CGRRF1: variants seen among roughly 807,000 people sequenced by gnomAD.
CGRRF1 encodes the protein cell growth regulator with RING finger domain protein 1.
In CGRRF1, 32 loss-of-function variants were observed where a neutral mutation model predicts 37.2. That is an observed-to-expected ratio of 0.86 (90% CI 0.65 to 1.16). The LOEUF is 1.16. Ranked by LOEUF, CGRRF1 falls within the 50% of genes most tolerant of loss-of-function variation. The pLI is 0.00. For missense variants in CGRRF1, 391 were observed against 382.6 expected, an observed-to-expected ratio of 1.02 and a Z score of -0.18; for synonymous variants, 141 against 140.3, an observed-to-expected ratio of 1.00 and a Z score of -0.04.
intron 1 of CGRRF1, among the ~76,000 whole-genome samples, chr14:54,510,486 T>C (rs2032111757): frequency 6.6e-6 from 1 of 152,128 alleles, no homozygotes; most frequent in Non-Finnish European, 1.5e-5. Flanking sequence ...GTAAGCGAGG[T>C]TAACAGTTGT....
rs933273734 is a variant in CGRRF1 at position 54,530,059 on chromosome 14, C to G, written c.255C>G (p.Thr85=). ...PSSASITTGI[T]LTTDCLEDSL... ...CTTTGTTTTTTACAGCTGGCATAAC[C>G]TTGACAACAGATTGCCTTGAAGATA... is the stretch of plus-strand genomic sequence containing the variant. Residue 85 remains threonine, a synonymous_variant, in exon 3 of 6, where the codon ACC becomes ACG. Coordinates refer to ENST00000216420, the MANE Select transcript of CGRRF1 (RefSeq NM_006568.3). 6.2e-7 allele frequency: 1 copy of G among 1,609,152 alleles called. No homozygotes were observed. Among genetic ancestry groups the G allele is most frequent in the African/African-American group, 1.3e-5 (1 of 74,840 alleles).
At chr14:54,513,566 T>TTTATGTTATGTTATG (rs150170270) in intron 1 of CGRRF1, among the ~76,000 whole-genome samples, 49 of 146,652 alleles carry the variant, frequency 3.3e-4, no homozygotes, top group South Asian at 2.6e-3. Flanking sequence ...TGGACACAGT[T>TTTATGTTATGTTATG]TTATGTTATG....
At chr14:54,518,551 A>G (rs75635034) in intron 1 of CGRRF1, among the ~76,000 whole-genome samples, 1 of 143,228 alleles carries the variant, frequency 7.0e-6, no homozygotes, top group African/African-American at 2.6e-5. Context: ...ACTCCATCTC[A>G]AAAAAAAAAA....
chr14:54,531,045 G>A lies in CGRRF1; in HGVS notation c.565G>A (p.Asp189Asn), dbSNP rs2140064793. Residue 189 changes from aspartate (D) to asparagine (N), a missense_variant, in exon 4 of 6, where the codon GAT (aspartate) becomes AAT (asparagine). Asp to Asn is a conservative substitution (Grantham distance 23, BLOSUM62 1). Transcript: ENST00000216420. The part of the protein sequence containing the change: ...LADEDDREIY[D>N]IISMVSVIHI... ...TGATGAGGATGACCGGGAAATTTATGATATTGTAAGTAATTGAAAATTTTG... is the reference window on the plus strand; with the variant it reads ...TGATGAGGATGACCGGGAAATTTATAATATTGTAAGTAATTGAAAATTTTG... 6.2e-7 allele frequency: 1 copy of A among 1,605,532 alleles called. No homozygotes were observed. Among genetic ancestry groups the A allele is most frequent in the Non-Finnish European group, 8.5e-7 (1 of 1,176,742 alleles).
chr14:54,534,926 C>T (rs2032576210), intron 4 of CGRRF1, among the ~76,000 whole-genome samples: 1 of 152,056 alleles, frequency 6.6e-6, no homozygotes, highest in African/African-American at 2.4e-5. Context: ...ACTGTGTTGC[C>T]CTGGCTGGTC....
chr14:54,526,588 C>T (rs1021444265), intron 2 of CGRRF1, among the ~76,000 whole-genome samples: 3 of 151,808 alleles, frequency 2.0e-5, no homozygotes, highest in African/African-American at 7.3e-5. Context: ...TTTGGATTTG[C>T]GTTTCCATGT....
chr14:54,532,989 T>C (rs932633857), intron 4 of CGRRF1, among the ~76,000 whole-genome samples: 1 of 152,052 alleles, frequency 6.6e-6, no homozygotes, highest in African/African-American at 2.4e-5. Context: ...TTCTCCTTTT[T>C]CCTTTGGTTC....
At chr14:54,534,474 A>G (rs1196819404) in intron 4 of CGRRF1, among the ~76,000 whole-genome samples, 1 of 152,170 alleles carries the variant, frequency 6.6e-6, no homozygotes, top group East Asian at 1.9e-4. Context: ...TAACCCCATC[A>G]TTTTGATTTA....
chr14:54,535,867 AT>A, intron 4 of CGRRF1, among the ~76,000 whole-genome samples: 1 of 152,052 alleles, frequency 6.6e-6, no homozygotes, highest in Admixed American at 6.6e-5. Flanking sequence ...GGCCTCATGA[AT>A]TTTTCCCCCA....
intron 3 of CGRRF1, 176 bp downstream of exon 3, chr14:54,530,402 A>G: frequency 4.7e-6 from 4 of 849,136 alleles, no homozygotes; most frequent in South Asian, 2.0e-5. Context: ...CAGGAACAGT[A>G]TTTGTATCCT....
intron 2 of CGRRF1, among the ~76,000 whole-genome samples, chr14:54,526,445 T>A (rs2032413451): frequency 6.6e-6 from 1 of 151,670 alleles, no homozygotes; most frequent in African/African-American, 2.4e-5. Flanking sequence ...CACTGCGCCC[T>A]GGCCATATTT....
intron 1 of CGRRF1, among the ~76,000 whole-genome samples, chr14:54,520,814 T>C (rs1190806937): frequency 6.6e-6 from 1 of 152,228 alleles, no homozygotes; most frequent in Non-Finnish European, 1.5e-5. Flanking sequence ...GCGGAGTCTT[T>C]CTTTTTTCTT....
intron 1 of CGRRF1, among the ~76,000 whole-genome samples, chr14:54,516,659 G>A (rs937923726): frequency 6.6e-6 from 1 of 151,910 alleles, no homozygotes; most frequent in Admixed American, 6.6e-5. Flanking sequence ...TGTTTCTTGT[G>A]CTTGGAGCTC....
In CGRRF1 at chr14:54,532,456, CT is replaced by C. The variant is rs548028293; in HGVS notation, c.570+1410del. ...AAAGACTATAGTTAATGTGGTATTG[CT>C]TTTGGGATTTTTGGTGCTCTTGCCA... On this transcript the variant is annotated intron_variant, in intron 4 of 5. Coordinates refer to ENST00000216420, the MANE Select transcript of CGRRF1 (RefSeq NM_006568.3). 3.2e-4 allele frequency among the ~76,000 whole-genome samples: 48 copies of C among 152,094 alleles called. No individual in the cohort carries two copies. In the South Asian group the frequency reaches 3.7e-3, roughly 12 times the overall value.
chr14:54,538,511 T>C lies in CGRRF1; in HGVS notation c.*128T>C. On this transcript the variant is annotated 3_prime_UTR_variant, in exon 6 of 6. Coordinates refer to ENST00000216420, the MANE Select transcript of CGRRF1 (RefSeq NM_006568.3). ...AAATTATATTTTAACTTCATATTTG[T>C]ATGGTACTTGGATGATAAAAATTAA... 1 of 651,070 alleles carries C rather than the reference T, an allele frequency of 1.5e-6. No individual in the cohort carries two copies. The highest frequency in any genetic ancestry group is 2.6e-6 in the Non-Finnish European group (1 of 390,376). 40.3% of individuals were successfully genotyped at this position (651,070 alleles called of 1,614,324 possible). A position where few individuals can be genotyped will look rare whatever the true frequency, so the allele number is the denominator to read the frequency against.
At chr14:54,520,849 G>A (rs2032305025) in intron 1 of CGRRF1, among the ~76,000 whole-genome samples, 2 of 152,234 alleles carry the variant, frequency 1.3e-5, no homozygotes, top group South Asian at 4.1e-4. Flanking sequence ...TCAGGTATCT[G>A]TGGGGTCTTT....
intron 4 of CGRRF1, chr14:54,536,279 G>A (rs902329864): frequency 1.3e-5 from 2 of 150,582 alleles, no homozygotes; most frequent in African/African-American, 4.9e-5. Flanking sequence ...TTTAATAGCT[G>A]CATGGCACTG....
intron 1 of CGRRF1, among the ~76,000 whole-genome samples, chr14:54,511,219 A>G (rs572540646): frequency 6.6e-6 from 1 of 152,314 alleles, no homozygotes; most frequent in South Asian, 2.1e-4. Context: ...GGAAGTGACA[A>G]AAGTTTTAAC....
intron 1 of CGRRF1, among the ~76,000 whole-genome samples, chr14:54,510,773 TGAG>T (rs1483980585): frequency 6.6e-6 from 1 of 152,212 alleles, no homozygotes; most frequent in African/African-American, 2.4e-5. Context: ...ATTTCTCTCT[TGAG>T]GAGATGCTAT....
Sources: gnomAD v4.1 joint callset for allele counts (sites outside exome capture counted in the v4.1 genomes callset) on GRCh38, gnomAD v4.1.1 for gene constraint, MANE v1.5 for transcripts, NCBI Gene and HGNC (gene_info 2026-07-23, HGNC 2026-07-21) for gene names.